Variants in BSDC1 observed in about 807,000 individuals in gnomAD.
The protein encoded by BSDC1 is BSD domain containing 1.
BSDC1 carries 29 observed loss-of-function variants against 56.0 expected under a neutral mutation model. The observed-to-expected ratio is 0.52, with a 90% CI of 0.39 to 0.71. The LOEUF (loss-of-function observed/expected upper bound fraction) is 0.71. Among genes scored for constraint, BSDC1 ranks in the 30% least tolerant of loss-of-function variants. BSDC1 has a pLI of 0.00. For missense variants in BSDC1, 477 were observed against 548.5 expected, an observed-to-expected ratio of 0.87 and a Z score of 1.30; for synonymous variants, 210 against 215.3, an observed-to-expected ratio of 0.98 and a Z score of 0.21.
chr1:32,381,228 C>A lies in BSDC1; in HGVS notation c.398G>T (p.Cys133Phe). ...YSLQSDPATY[C>F]NEPDGPPELF... is the part of the protein sequence containing the mutation. Reference sequence around the variant, plus strand: ...TACCCTCTCACCATCTGGTTCATTACAGTAGGTTGCTGGGTCCGACTGCAG... The same window carrying A: ...TACCCTCTCACCATCTGGTTCATTAAAGTAGGTTGCTGGGTCCGACTGCAG... Residue 133 changes from cysteine to phenylalanine, a missense_variant, in exon 5 of 11, where the codon TGT (cysteine) becomes TTT (phenylalanine). Physicochemically the swap from Cys to Phe is radical, Grantham distance 205. Coordinates refer to ENST00000455895, the MANE Select transcript of BSDC1 (RefSeq NM_018045.8). The A allele has an allele frequency of 6.2e-7, 1 of 1,613,782 alleles. No homozygotes were observed. Among genetic ancestry groups the A allele is most frequent in the Non-Finnish European group, 8.5e-7 (1 of 1,179,822 alleles).
intron 4 of BSDC1, among the ~76,000 whole-genome samples, 193 bp downstream of exon 4, chr1:32,383,637 T>G (rs1225168003): frequency 6.6e-6 from 1 of 152,232 alleles, no homozygotes; most frequent in Non-Finnish European, 1.5e-5. Flanking sequence ...AGGGGTTCTC[T>G]TTGGGTGATG....
rs56893662 is a variant in BSDC1, at chr1:32,376,891, G to A, written c.677-150C>T. 4,320 of 961,636 alleles carry A rather than the reference G, an allele frequency of 4.5e-3. 129 individuals carry two copies. The African/African-American group carries it at 0.065, about 14-fold the overall frequency. The allele number at this position is 961,636 out of a possible 1,614,324, so 59.6% of individuals were successfully genotyped here. A position where few individuals can be genotyped will look rare whatever the true frequency, so the allele number is the denominator to read the frequency against. Reference sequence around the variant, plus strand: ...CACACCTGTAATCCCACCACTTTGGGAGGATGAGGCGGGTGGATCACCTGA... The same window carrying A: ...CACACCTGTAATCCCACCACTTTGGAAGGATGAGGCGGGTGGATCACCTGA... On this transcript the variant is annotated intron_variant, in intron 8 of 10. Coordinates refer to ENST00000455895, the MANE Select transcript of BSDC1 (RefSeq NM_018045.8).
chr1:32,376,698 C>A lies in BSDC1; in HGVS notation c.720G>T (p.Lys240Asn), dbSNP rs903913889. The A allele has an allele frequency of 1.4e-6, 2 of 1,427,074 alleles. No homozygotes were observed. Among genetic ancestry groups the A allele is most frequent in the South Asian group, 3.7e-5 (2 of 54,562 alleles). 88.4% of individuals were successfully genotyped at this position (1,427,074 alleles called of 1,614,324 possible). ...GISPISPKEA[K>N]VPVAKISTFP... ...ATGTAGAAATTTTGGCCACAGGAAC[C>A]TTTGCCTCTTTTGGAGATATGGGTG... Residue 240 changes from lysine (K) to asparagine (N), a missense_variant, in exon 9 of 11, where the codon AAG becomes AAT. Transcript: ENST00000455895.
At chr1:32,370,423 C>G (rs928370288) in intron 9 of BSDC1, among the ~76,000 whole-genome samples, 1 of 152,086 alleles carries the variant, frequency 6.6e-6, no homozygotes, top group East Asian at 1.9e-4. Context: ...TTATGTATTT[C>G]AAGTTTTTAG....
At chr1:32,393,947 TA>T in intron 2 of BSDC1, 132 bp downstream of exon 2, 1 of 807,406 alleles carries the variant, frequency 1.2e-6, no homozygotes, top group Non-Finnish European at 2.0e-6. Context: ...CGGTAGAGGC[TA>T]AAAGAAAGGC....
At chr1:32,391,474 G>C (rs549507212) in intron 2 of BSDC1, among the ~76,000 whole-genome samples, 2 of 152,326 alleles carry the variant, frequency 1.3e-5, no homozygotes, top group South Asian at 4.1e-4. Context: ...GGAGACTGAA[G>C]AGTATGTGGG....
intron 9 of BSDC1, chr1:32,374,648 T>G (rs1438265368): frequency 1.3e-5 from 2 of 152,240 alleles, no homozygotes; most frequent in Non-Finnish European, 2.9e-5. Context: ...TTTGTAGGCC[T>G]CCTCAGCTTA....
At chr1:32,368,343 CAGG>C (rs1283986263) in intron 10 of BSDC1, 101 bp downstream of exon 10, 1 of 1,613,764 alleles carries the variant, frequency 6.2e-7, no homozygotes, top group Non-Finnish European at 8.5e-7. Context: ...TCACCTCAGA[CAGG>C]AGCAGGGACC....
chr1:32,366,847 G>A (rs1191502474), intron 10 of BSDC1, 193 bp from the exon 11 acceptor site: 3 of 1,322,458 alleles, frequency 2.3e-6, no homozygotes, highest in East Asian at 3.0e-5. Flanking sequence ...CTGCCTGAGG[G>A]GTGGGCCTGA....
Position 32,386,853 on chromosome 1 carries a change from A to T in BSDC1, c.115T>A (p.Phe39Ile). 3 of 1,612,228 alleles carry T rather than the reference A, an allele frequency of 1.9e-6. No homozygotes were observed. Among genetic ancestry groups the T allele is most frequent in the Non-Finnish European group, 2.5e-6 (3 of 1,180,006 alleles). ...GTGTCATGCTGCACCACCTGGGTAA[A>T]CTCCGTCAGGTCCCGCTTCATAAAC... ...LEFMKRDLTE[F>I]TQVVQHDTAC... The change falls in exon 3 of 11, where the codon TTT (phenylalanine) becomes ATT (isoleucine). Residue 39 changes from phenylalanine to isoleucine, a missense_variant. Physicochemically the swap from Phe to Ile is conservative, Grantham distance 21. Transcript: ENST00000455895.
intron 3 of BSDC1, among the ~76,000 whole-genome samples, chr1:32,384,268 C>T (rs750900766): frequency 5.9e-5 from 9 of 152,028 alleles, no homozygotes; most frequent in Non-Finnish European, 8.8e-5. Context: ...TCAGTCAGGC[C>T]GGTCAAAACT....
intron 2 of BSDC1, among the ~76,000 whole-genome samples, chr1:32,390,020 T>G (rs139047469): frequency 6.8e-6 from 1 of 146,710 alleles, no homozygotes; most frequent in Non-Finnish European, 1.5e-5. Context: ...AGTGTTGACA[T>G]GGGTTTAGTG....
At chr1:32,389,987 A>G (rs1642810560) in intron 2 of BSDC1, among the ~76,000 whole-genome samples, 1 of 151,920 alleles carries the variant, frequency 6.6e-6, no homozygotes, top group Non-Finnish European at 1.5e-5. Flanking sequence ...AAAAAAAAAA[A>G]AAAGAACAGG....
chr1:32,386,901 G>T lies in BSDC1; in HGVS notation c.73-6C>A, dbSNP rs1378957120. ...AACTCCAAGGCTTCAGAGGACTGTG[G>T]GAAGACAGAGAGGGATGCCAGGGCC... On this transcript the variant is annotated splice_region_variant and splice_polypyrimidine_tract_variant and intron_variant, in intron 2 of 10. Coordinates refer to ENST00000455895, the MANE Select transcript of BSDC1 (RefSeq NM_018045.8). The T allele has an allele frequency of 6.2e-7, 1 of 1,610,728 alleles. No homozygotes were observed. Among genetic ancestry groups the T allele is most frequent in the African/African-American group, 1.3e-5 (1 of 74,842 alleles).
chr1:32,368,700 C>CTT, intron 9 of BSDC1, 150 bp from the exon 10 acceptor site: 87 of 958,994 alleles, frequency 9.1e-5, no homozygotes, highest in Middle Eastern at 3.6e-4. Flanking sequence ...ACCAATCGTA[C>CTT]TTTTTTTTTT....
chr1:32,379,950 C>T (rs576277427), intron 5 of BSDC1, among the ~76,000 whole-genome samples: 1 of 152,322 alleles, frequency 6.6e-6, no homozygotes, highest in Non-Finnish European at 1.5e-5. Flanking sequence ...CACCCCAGGC[C>T]TCAAAACCTT....
Position 32,371,687 on chromosome 1 carries a change from TTTC to T in BSDC1, c.1157-3140_1157-3138del, listed in dbSNP as rs570319753. On this transcript the variant is annotated intron_variant, in intron 9 of 10. Coordinates refer to ENST00000455895, the MANE Select transcript of BSDC1 (RefSeq NM_018045.8). ...ACGGCATGACCAGTAAACATCTCCG[TTTC>T]TTCTTCTCCGACCTACTCCTCACCA... Among the ~76,000 whole-genome samples, 256 of 151,926 alleles carry T rather than the reference TTTC, an allele frequency of 1.7e-3. 3 individuals are homozygous for T. The highest frequency in any genetic ancestry group is 5.7e-3 in the African/African-American group (236 of 41,392).
intron 8 of BSDC1, 138 bp downstream of exon 8, chr1:32,377,831 AT>A (rs566041887): frequency 1.2e-4 from 82 of 680,990 alleles, no homozygotes; most frequent in African/African-American, 1.2e-3. Flanking sequence ...AGCTCCGCCT[AT>A]CCTCACACAT....
At chr1:32,384,061 G>A (rs928229899) in intron 3 of BSDC1, 64 bp from the exon 4 acceptor site, 1 of 1,609,184 alleles carries the variant, frequency 6.2e-7, no homozygotes, top group Non-Finnish European at 8.5e-7. Context: ...GGGGTATGGG[G>A]GTAAAACATT....
Sources: gnomAD v4.1 joint callset for allele counts (sites outside exome capture counted in the v4.1 genomes callset) on GRCh38, gnomAD v4.1.1 for gene constraint, MANE v1.5 for transcripts, NCBI Gene and HGNC (gene_info 2026-07-23, HGNC 2026-07-21) for gene names.